Variants in ELAPOR1 observed in about 807,000 individuals in gnomAD.
The protein encoded by ELAPOR1 is endosome-lysosome associated apoptosis and autophagy regulator 1.
A neutral mutation model predicts 119.7 loss-of-function variants in ELAPOR1; 77 were observed. The ratio of observed to expected loss-of-function variants is 0.64; its 90% CI spans 0.54 to 0.78. The LOEUF (loss-of-function observed/expected upper bound fraction) is 0.78, where lower values mean the gene tolerates loss of function less well. Among genes scored for constraint, ELAPOR1 ranks in the 30% least tolerant of loss-of-function variants. ELAPOR1 has a pLI of 0.00. For missense variants in ELAPOR1, 1,115 were observed against 1,270.4 expected (o/e 0.88, Z 1.86); for synonymous variants, 481 against 487.2 (o/e 0.99, Z 0.17).
At chr1:109,121,773 C>CTTT (rs10714498) in intron 1 of ELAPOR1, among the ~76,000 whole-genome samples, 4 of 134,272 alleles carry the variant, frequency 3.0e-5, no homozygotes, top group Non-Finnish European at 4.7e-5. Flanking sequence ...CTGTGTATTA[C>CTTT]TTTTTTTTTT....
rs1269881030 is a variant in ELAPOR1, at chr1:109,203,152, TC to T, written c.*141del. The T allele has an allele frequency of 2.4e-5, 15 of 617,396 alleles. No homozygotes were observed. The highest frequency in any genetic ancestry group is 2.3e-4 in the African/African-American group (12 of 52,906). The allele number at this position is 617,396 out of a possible 1,614,324, so 38.2% of individuals were successfully genotyped here. A position where few individuals can be genotyped will look rare whatever the true frequency, so the allele number is the denominator to read the frequency against. On this transcript the variant is annotated 3_prime_UTR_variant, in exon 22 of 22. Transcript: ENST00000369939. ...CCTTATCAGATGTTTGAATTTCAGATCTTTTTTTATAGAGTACCCAAACCCT... is the reference window on the plus strand; with the variant it reads ...CCTTATCAGATGTTTGAATTTCAGATTTTTTTTATAGAGTACCCAAACCCT...
intron 2 of ELAPOR1, among the ~76,000 whole-genome samples, chr1:109,163,963 C>G (rs1246550698): frequency 6.6e-6 from 1 of 152,108 alleles, no homozygotes; most frequent in African/African-American, 2.4e-5. Flanking sequence ...GGCACCTCTC[C>G]AAAGGAAACG....
At chr1:109,183,087 G>A (rs604177) in intron 7 of ELAPOR1, among the ~76,000 whole-genome samples, 122,766 of 151,504 alleles carry the variant, frequency 0.81, 50,348 homozygotes, top group East Asian at 1. Context: ...CTTTCAAAAA[G>A]TTTTTATTTG....
intron 1 of ELAPOR1, among the ~76,000 whole-genome samples, chr1:109,159,171 G>A (rs1209696364): frequency 6.6e-6 from 1 of 152,158 alleles, no homozygotes; most frequent in Non-Finnish European, 1.5e-5. Context: ...TGGGATTACA[G>A]CGTGAGCCAC....
chr1:109,127,906 G>T (rs939978149), intron 1 of ELAPOR1, among the ~76,000 whole-genome samples: 4 of 148,468 alleles, frequency 2.7e-5, no homozygotes, highest in African/African-American at 5.0e-5. Flanking sequence ...ACAGAGTCTC[G>T]CTCTGTCACC....
At chr1:109,182,591 G>T (rs1347063925) in intron 7 of ELAPOR1, among the ~76,000 whole-genome samples, 1 of 151,966 alleles carries the variant, frequency 6.6e-6, no homozygotes, top group Non-Finnish European at 1.5e-5. Context: ...TTCCAGGCCG[G>T]GAGCGGTGGC....
In ELAPOR1 at chr1:109,203,124, T is replaced by C; in HGVS notation, c.*112T>C. On this transcript the variant is annotated 3_prime_UTR_variant, in exon 22 of 22. Coordinates refer to ENST00000369939, the MANE Select transcript of ELAPOR1 (RefSeq NM_020775.5). The stretch of plus-strand genomic sequence containing the variant: ...CCCACTGCTGGAAATCTCTTCATTG[T>C]GGCCTTATCAGATGTTTGAATTTCA... The C allele has an allele frequency of 2.8e-6, 2 of 708,576 alleles. No homozygotes were observed. Among genetic ancestry groups the C allele is most frequent in the Non-Finnish European group, 4.9e-6 (2 of 404,208 alleles). The allele number at this position is 708,576 out of a possible 1,614,324, so 43.9% of individuals were successfully genotyped here.
intron 7 of ELAPOR1, among the ~76,000 whole-genome samples, chr1:109,180,834 A>T (rs1652647574): frequency 6.6e-6 from 1 of 152,092 alleles, no homozygotes. Context: ...GTGTGGTGGC[A>T]TGCACCTGTA....
chr1:109,154,561 G>T (rs145489553), intron 1 of ELAPOR1, among the ~76,000 whole-genome samples: 1 of 152,266 alleles, frequency 6.6e-6, no homozygotes, highest in African/African-American at 2.4e-5. Context: ...CCTGGGGAGT[G>T]CCCATTGTTA....
chr1:109,173,822 C>A lies in ELAPOR1; in HGVS notation c.937C>A (p.Pro313Thr). ...KGETSCHQCD[P>T]DKYSEKGSSS... ...AGAAACTTCTTGCCACCAGTGTGAC[C>A]CTGACAAATACTCAGGTGATGTTTC... Residue 313 changes from proline (P) to threonine (T), a missense_variant, in exon 7 of 22, where the codon CCT (proline) becomes ACT (threonine). Pro to Thr is a conservative substitution (Grantham distance 38, BLOSUM62 -1). Coordinates refer to ENST00000369939, the MANE Select transcript of ELAPOR1 (RefSeq NM_020775.5). 1 of 1,613,884 alleles carries A rather than the reference C, an allele frequency of 6.2e-7. No homozygotes were observed. The highest frequency in any genetic ancestry group is 8.5e-7 in the Non-Finnish European group (1 of 1,179,954).
intron 1 of ELAPOR1, among the ~76,000 whole-genome samples, chr1:109,158,704 G>A (rs909214970): frequency 1.3e-5 from 2 of 152,110 alleles, no homozygotes; most frequent in African/African-American, 4.8e-5. Flanking sequence ...TATACTGAAC[G>A]TGTTTATGTG....
At chr1:109,121,155 A>AT (rs1307839705) in intron 1 of ELAPOR1, among the ~76,000 whole-genome samples, 1 of 151,522 alleles carries the variant, frequency 6.6e-6, no homozygotes, top group African/African-American at 2.4e-5. Flanking sequence ...TTTTTTTTCA[A>AT]TTTTTTTTGA....
chr1:109,163,822 A>G lies in ELAPOR1; in HGVS notation c.275-677A>G, dbSNP rs187633438. On this transcript the variant is annotated intron_variant, in intron 2 of 21. Coordinates refer to ENST00000369939, the MANE Select transcript of ELAPOR1 (RefSeq NM_020775.5). Reference sequence around the variant, plus strand: ...TGAGAATTCCACCTAGCATGGTGGCAGTACAACCAGAAAGGCAGAGGCCAG... The same window carrying G: ...TGAGAATTCCACCTAGCATGGTGGCGGTACAACCAGAAAGGCAGAGGCCAG... Among the ~76,000 whole-genome samples the G allele has an allele frequency of 1.9e-3, 284 of 152,316 alleles. 3 individuals carry two copies. The Middle Eastern group carries it at 0.027, about 15-fold the overall frequency.
At chr1:109,128,763 C>T (rs1417276699) in intron 1 of ELAPOR1, among the ~76,000 whole-genome samples, 1 of 152,230 alleles carries the variant, frequency 6.6e-6, no homozygotes, top group Non-Finnish European at 1.5e-5. Flanking sequence ...CTAGATTTTA[C>T]ATGCTTCAGA....
Position 109,198,625 on chromosome 1 carries a change from G to T in ELAPOR1, c.2452G>T (p.Val818Phe). 3 of 1,613,906 alleles carry T rather than the reference G, an allele frequency of 1.9e-6. No homozygotes were observed. The highest frequency in any genetic ancestry group is 2.5e-6 in the Non-Finnish European group (3 of 1,179,954). ...TTCTGGGAGATCAACCACCATCCGC[G>T]TCAGGTGCAGTCCACAGAAAACTGT... ...CSSGRSTTIR[V>F]RCSPQKTVPG... Residue 818 changes from valine to phenylalanine, a missense_variant, in exon 18 of 22, where the codon GTC becomes TTC. By Grantham distance (50) the Val-to-Phe change is conservative. Transcript: ENST00000369939.
Position 109,200,827 on chromosome 1 carries a change from A to G in ELAPOR1, c.2900A>G (p.Glu967Gly). 1 of 1,614,210 alleles carries G rather than the reference A, an allele frequency of 6.2e-7. No homozygotes were observed. Among genetic ancestry groups the G allele is most frequent in the Non-Finnish European group, 8.5e-7 (1 of 1,180,034 alleles). ...AADSCAIMEG[E>G]DVEDDLIFTS... ...GACAGCTGCGCCATCATGGAAGGCG[A>G]GGATGTAGAGGACGACCTCATCTTT... The change falls in exon 21 of 22, where the codon GAG becomes GGG. Residue 967 changes from glutamate (E) to glycine (G), a missense_variant. Transcript: ENST00000369939.
intron 1 of ELAPOR1, among the ~76,000 whole-genome samples, chr1:109,144,055 T>TATA (rs1558029151): frequency 5.4e-4 from 35 of 64,350 alleles, no homozygotes; most frequent in South Asian, 1.7e-3. Context: ...ATATATATAT[T>TATA]TATATATTTT....
At chr1:109,188,990 C>T in intron 9 of ELAPOR1, 76 bp from the exon 10 acceptor site, 2 of 1,564,590 alleles carry the variant, frequency 1.3e-6, no homozygotes, top group Non-Finnish European at 1.7e-6. Flanking sequence ...TGCAACTTGT[C>T]TGTGTGGCAG....
At chr1:109,194,694 G>T in intron 15 of ELAPOR1, 100 bp downstream of exon 15, 1 of 1,109,028 alleles carries the variant, frequency 9.0e-7, no homozygotes, top group Non-Finnish European at 1.3e-6. Context: ...CCTTCAGGTA[G>T]CAGGGGGTTG....
Sources: allele counts gnomAD v4.1 joint callset (sites outside exome capture counted in the v4.1 genomes callset), GRCh38; gene constraint gnomAD v4.1.1; transcripts MANE v1.5; gene names NCBI Gene and HGNC (gene_info 2026-07-23, HGNC 2026-07-21).